Variants in STK3 observed in about 807,000 individuals in gnomAD.
STK3 encodes the protein serine/threonine-protein kinase 3.
A neutral mutation model predicts 58.0 loss-of-function variants in STK3; 41 were observed. The ratio of observed to expected loss-of-function variants is 0.71; its 90% CI spans 0.55 to 0.92. The LOEUF is 0.92. Among genes scored for constraint, STK3 ranks in the 40% least tolerant of loss-of-function variants. The pLI is 0.00. For synonymous variants in STK3, 170 were observed against 191.0 expected, an observed-to-expected ratio of 0.89 and a Z score of 0.91; for missense variants, 479 against 602.7, an observed-to-expected ratio of 0.79 and a Z score of 2.15.
intron 1 of STK3, among the ~76,000 whole-genome samples, chr8:98,789,856 G>A (rs1280011777): frequency 6.6e-6 from 1 of 152,034 alleles, no homozygotes; most frequent in East Asian, 1.9e-4. Context: ...GTGAAACCCT[G>A]TCTCTACTTA....
chr8:98,347,203 T>G, the STK3 span, among the ~76,000 whole-genome samples: 1 of 151,752 alleles, frequency 6.6e-6, no homozygotes, highest in South Asian at 2.1e-4. Flanking sequence ...AAAAAGATGA[T>G]AAAAATATTT....
At chr8:98,837,094 T>C (rs970425509) in intron 3 of STK3, among the ~76,000 whole-genome samples, 6 of 152,124 alleles carry the variant, frequency 3.9e-5, no homozygotes, top group Admixed American at 3.9e-4. Context: ...CCCCTTGAAA[T>C]GGTCTCAGAT....
At chr8:98,540,966 A>G (rs186571669) in intron 9 of STK3, among the ~76,000 whole-genome samples, 1 of 152,290 alleles carries the variant, frequency 6.6e-6, no homozygotes, top group Admixed American at 6.5e-5. Context: ...TAGCTTTCTA[A>G]TCCCTAAATA....
At chr8:98,883,409 A>G (rs1837869706), downstream of STK3, 1 of 428,632 alleles carries the variant, frequency 2.3e-6, no homozygotes, top group Non-Finnish European at 4.3e-6. Flanking sequence ...CCAGAAGGAA[A>G]ATACAGCATA....
chr8:98,544,090 C>A (rs543809684), intron 9 of STK3, among the ~76,000 whole-genome samples: 24 of 150,088 alleles, frequency 1.6e-4, no homozygotes, highest in Admixed American at 1.6e-3. Context: ...TTAGAACATA[C>A]GAGAGTGGCA....
chr8:98,430,987 C>T (rs938111159), intron 3 of STK3: 2 of 167,100 alleles, frequency 1.2e-5, no homozygotes, highest in Admixed American at 1.3e-4. Context: ...TCTCCATCAT[C>T]TTTAAGGTAA....
intron 1 of STK3, among the ~76,000 whole-genome samples, chr8:98,900,521 G>A (rs529260205): frequency 6.6e-6 from 1 of 152,188 alleles, no homozygotes; most frequent in African/African-American, 2.4e-5. Flanking sequence ...TGAGGTATAA[G>A]TGACAAAAAT....
intron 6 of STK3, among the ~76,000 whole-genome samples, chr8:98,705,749 AAG>A (rs1825920078): frequency 6.6e-6 from 1 of 152,204 alleles, no homozygotes; most frequent in South Asian, 2.1e-4. Flanking sequence ...TAAGTATACA[AAG>A]ATCAGTGTAC....
At chr8:98,642,484 GTATTTT>G (rs1307558357) in intron 6 of STK3, among the ~76,000 whole-genome samples, 1 of 152,130 alleles carries the variant, frequency 6.6e-6, no homozygotes, top group African/African-American at 2.4e-5. Flanking sequence ...TAGAAGATTA[GTATTTT>G]TATTACCCAG....
chr8:98,452,106 T>C (rs918167142), downstream of STK3, among the ~76,000 whole-genome samples: 3 of 152,314 alleles, frequency 2.0e-5, no homozygotes, highest in African/African-American at 7.2e-5. Context: ...AGCAATCCTA[T>C]TGAATGCTAA....
At chr8:98,763,318 C>T (rs560904288) in intron 3 of STK3, among the ~76,000 whole-genome samples, 2 of 152,218 alleles carry the variant, frequency 1.3e-5, no homozygotes, top group East Asian at 3.9e-4. Flanking sequence ...AGCAGATGGG[C>T]TCCCTGAGAT....
intron 3 of STK3, among the ~76,000 whole-genome samples, chr8:98,404,195 T>C (rs1817971242): frequency 6.6e-6 from 1 of 152,130 alleles, no homozygotes; most frequent in Non-Finnish European, 1.5e-5. Context: ...TCTCTCAGAG[T>C]TCTATTCTAG....
chr8:98,911,247 T>C (rs1027934376), intron 1 of STK3, among the ~76,000 whole-genome samples: 1 of 152,198 alleles, frequency 6.6e-6, no homozygotes, highest in Non-Finnish European at 1.5e-5. Flanking sequence ...TCTTTATGTA[T>C]AGATAAATTA....
At chr8:98,904,686 C>G in intron 1 of STK3, 1 of 716,920 alleles carries the variant, frequency 1.4e-6, no homozygotes, top group Non-Finnish European at 2.5e-6. Flanking sequence ...GCTGCTGAAG[C>G]CTGAAATAAC....
chr8:98,693,555 C>T (rs1017729938), intron 6 of STK3, among the ~76,000 whole-genome samples: 2 of 151,972 alleles, frequency 1.3e-5, no homozygotes, highest in African/African-American at 4.8e-5. Context: ...CTGTAGAGCC[C>T]CTTGAGGGAG....
intron 9 of STK3, among the ~76,000 whole-genome samples, chr8:98,536,283 T>C (rs1706140788): frequency 6.6e-6 from 1 of 152,106 alleles, no homozygotes; most frequent in African/African-American, 2.4e-5. Flanking sequence ...TTCTGGCTAA[T>C]GACACATAAA....
chr8:98,806,320 T>C (rs968305276), intron 1 of STK3, among the ~76,000 whole-genome samples: 3 of 152,164 alleles, frequency 2.0e-5, no homozygotes, highest in Non-Finnish European at 4.4e-5. Context: ...TATCTTCCTA[T>C]ATAAACGCTT....
At chr8:98,625,789 G>A (rs955828847) in intron 6 of STK3, among the ~76,000 whole-genome samples, 3 of 152,118 alleles carry the variant, frequency 2.0e-5, no homozygotes, top group Admixed American at 6.5e-5. Context: ...AGTGTTTGTC[G>A]TAACTGACAA....
chr8:98,449,913 C>T (rs551972119), downstream of STK3, among the ~76,000 whole-genome samples: 13 of 152,240 alleles, frequency 8.5e-5, no homozygotes, highest in South Asian at 6.2e-4. Flanking sequence ...TTTGTTTCTC[C>T]GCCACACTGT....
Sources: allele counts gnomAD v4.1 joint callset (sites outside exome capture counted in the v4.1 genomes callset), GRCh38; gene constraint gnomAD v4.1.1; transcripts MANE v1.5; gene names NCBI Gene and HGNC (gene_info 2026-07-23, HGNC 2026-07-21).